TTYH2: variants seen among roughly 807,000 people sequenced by gnomAD.
TTYH2 encodes the protein protein tweety homolog 2.
Under a neutral mutation model 68.3 loss-of-function variants are expected in TTYH2, and 49 were observed. The ratio of observed to expected loss-of-function variants is 0.72; its 90% confidence interval spans 0.57 to 0.91. The LOEUF is 0.91. Ranked by LOEUF, TTYH2 falls within the 40% of genes least tolerant of loss-of-function variation. The pLI, the probability that TTYH2 is intolerant of heterozygous loss-of-function variation, is 0.00. For missense variants in TTYH2, 631 were observed against 700.4 expected (o/e 0.90, Z 1.12); for synonymous variants, 272 against 300.8 (o/e 0.90, Z 0.99).
Position 74,237,247 on chromosome 17 carries a change from A to C in TTYH2, c.415-47A>C, listed in dbSNP as rs1258829458. Reference sequence around the variant, plus strand: ...CTGCAAAGACCTCTTCCGGGATGAGAATCAGAAGCTCTACCTCCATGGCTT... The same window carrying C: ...CTGCAAAGACCTCTTCCGGGATGAGCATCAGAAGCTCTACCTCCATGGCTT... On this transcript the variant is annotated intron_variant, in intron 3 of 13. Coordinates refer to ENST00000269346, the MANE Select transcript of TTYH2 (RefSeq NM_032646.6). 3 of 1,589,672 alleles carry C rather than the reference A, an allele frequency of 1.9e-6. No individual in the cohort carries two copies. The Admixed American group carries it at 5.0e-5, about 27-fold the overall frequency.
rs758764721 is a variant in TTYH2 at position 74,253,228 on chromosome 17, G to A, written c.1407G>A (p.Pro469=). Residue 469 remains proline (P), a synonymous_variant, in exon 12 of 14, where the codon CCG becomes CCA. Transcript: ENST00000269346. ...GLGSQTSLQP[P]AQTISNAPVS... ...GAAGTCAGACCAGCCTGCAGCCCCCGGCCCAGACCATCTCCAACGCCCCTG... is the reference window on the plus strand; with the variant it reads ...GAAGTCAGACCAGCCTGCAGCCCCCAGCCCAGACCATCTCCAACGCCCCTG... 2.4e-5 allele frequency: 38 copies of A among 1,609,432 alleles called. No homozygotes were observed. Among genetic ancestry groups the A allele is most frequent in the Middle Eastern group, 1.7e-4 (1 of 6,052 alleles).
At chr17:74,223,561 A>G (rs2050300239) in intron 2 of TTYH2, among the ~76,000 whole-genome samples, 1 of 152,182 alleles carries the variant, frequency 6.6e-6, no homozygotes, top group Non-Finnish European at 1.5e-5. Context: ...ACTCCCGTGC[A>G]GGAGTCCATA....
intron 13 of TTYH2, among the ~76,000 whole-genome samples, chr17:74,257,184 C>T (rs1219215847): frequency 6.6e-6 from 1 of 152,236 alleles, no homozygotes; most frequent in Non-Finnish European, 1.5e-5. Context: ...ATCCAGGCCA[C>T]TCATCCTGCC....
chr17:74,222,673 C>T lies in TTYH2; in HGVS notation c.302+16C>T, dbSNP rs750985716. On this transcript the variant is annotated intron_variant, in intron 2 of 13. Coordinates refer to ENST00000269346, the MANE Select transcript of TTYH2 (RefSeq NM_032646.6). This position sits in a 1 kb window ranked among gnomAD's most constrained non-coding sequence, Gnocchi z 5.2. ...TCATCTGCTGGTGAGTGTCCCTGGACGCTGGGCTTGGGGTGTGTGACTCAG... is the reference window on the plus strand; with the variant it reads ...TCATCTGCTGGTGAGTGTCCCTGGATGCTGGGCTTGGGGTGTGTGACTCAG... 28 of 1,600,238 alleles carry T rather than the reference C, an allele frequency of 1.7e-5. No homozygotes were observed. Among genetic ancestry groups the T allele is most frequent in the African/African-American group, 8.0e-5 (6 of 74,934 alleles).
chr17:74,253,304 C>G (rs777493845), intron 12 of TTYH2, 38 bp downstream of exon 12: 25 of 1,530,476 alleles, frequency 1.6e-5, no homozygotes, highest in Non-Finnish European at 2.0e-5. Context: ...GGTAGCACTG[C>G]CCGGACAGCA....
rs1464594241 is a variant in TTYH2 at position 74,260,540 on chromosome 17, G to A, written c.*331G>A. On this transcript the variant is annotated 3_prime_UTR_variant, in exon 14 of 14. Coordinates refer to ENST00000269346, the MANE Select transcript of TTYH2 (RefSeq NM_032646.6). ...GGAGGGGAGTGGCAGTGAGGAGGGG[G>A]CCAGGTCAGGCACCACCATCAAGAG... 26 of 360,888 alleles carry A rather than the reference G, an allele frequency of 7.2e-5. No individual in the cohort carries two copies. The Admixed American group carries it at 9.2e-4, about 13-fold the overall frequency. 22.4% of individuals were successfully genotyped at this position (360,888 alleles called of 1,614,324 possible).
intron 3 of TTYH2, among the ~76,000 whole-genome samples, chr17:74,234,715 G>A (rs2050425124): frequency 6.6e-6 from 1 of 152,062 alleles, no homozygotes; most frequent in African/African-American, 2.4e-5. Flanking sequence ...AGAACTGTGA[G>A]GGAGAAAACA....
chr17:74,244,819 T>C (rs978233149), intron 6 of TTYH2, among the ~76,000 whole-genome samples: 2 of 152,058 alleles, frequency 1.3e-5, no homozygotes, highest in African/African-American at 4.8e-5. Context: ...CATAGGCAGA[T>C]CACTGCAACC....
At position 74,244,855 on chromosome 17, in the gene TTYH2, A is replaced by AGTGTGTGTGTGTGTGTGT. The variant is rs58119512; in HGVS notation, c.804+817_804+834dup. Among the ~76,000 whole-genome samples, 490 of 149,908 alleles carry AGTGTGTGTGTGTGTGTGT rather than the reference A, an allele frequency of 3.3e-3. 3 individuals carry two copies. The highest frequency in any genetic ancestry group is 0.011 in the East Asian group (56 of 5,046). ...CCAGGCTTTGATACAGTGGAGGTGC[A>AGTGTGTGTGTGTGTGTGT]GTGTGTGTGTGTGTGTGTGTGTGTG... On this transcript the variant is annotated intron_variant, in intron 6 of 13. Transcript: ENST00000269346.
chr17:74,234,646 T>TC, intron 3 of TTYH2, among the ~76,000 whole-genome samples: 1 of 151,766 alleles, frequency 6.6e-6, no homozygotes, highest in East Asian at 1.9e-4. Context: ...AATACTGCCT[T>TC]CTTTTTTTTT....
chr17:74,237,207 G>A (rs2050451948), intron 3 of TTYH2, 87 bp from the exon 4 acceptor site: 1 of 1,366,428 alleles, frequency 7.3e-7, no homozygotes, highest in South Asian at 1.3e-5. Flanking sequence ...ACCTGGCCAG[G>A]CCACCTTCTG....
At position 74,230,476 on chromosome 17, in the gene TTYH2, G is replaced by A. The variant is rs529159698; in HGVS notation, c.303-412G>A. The stretch of plus-strand genomic sequence containing the variant: ...ACCCTAGTGGAAGCTGTGGGCTCTG[G>A]GTGATGATGTGTGCATCTGGGCTCA... On this transcript the variant is annotated intron_variant, in intron 2 of 13. Coordinates refer to ENST00000269346, the MANE Select transcript of TTYH2 (RefSeq NM_032646.6). Among the ~76,000 whole-genome samples the A allele has an allele frequency of 6.6e-5, 10 of 152,178 alleles. No homozygotes were observed. In the East Asian group the frequency reaches 1.9e-3, roughly 29 times the overall value.
chr17:74,216,761 G>A (rs2050225406), intron 1 of TTYH2, among the ~76,000 whole-genome samples: 1 of 152,242 alleles, frequency 6.6e-6, no homozygotes, highest in Admixed American at 6.5e-5. Flanking sequence ...CCCAGCTCTG[G>A]GCTGCCAGAT....
rs191608577 is a variant in TTYH2 at position 74,253,258 on chromosome 17, C to T, written c.1437C>T (p.Ser479=). 101 of 1,599,802 alleles carry T rather than the reference C, an allele frequency of 6.3e-5. No individual in the cohort carries two copies. The highest frequency in any genetic ancestry group is 8.3e-5 in the Non-Finnish European group (97 of 1,174,186). The change falls in exon 12 of 14, where the codon TCC becomes TCT. Residue 479 remains serine, a synonymous_variant. Coordinates refer to ENST00000269346, the MANE Select transcript of TTYH2 (RefSeq NM_032646.6). The stretch of plus-strand genomic sequence containing the variant: ...AGACCATCTCCAACGCCCCTGTCTC[C>T]GAGTACATGTACGGCCTGCACACAC... ...PAQTISNAPV[S]EYMNQAMLFG...
chr17:74,237,362 T>C lies in TTYH2; in HGVS notation c.483T>C (p.Phe161=), dbSNP rs1383286286. The C allele has an allele frequency of 6.2e-7, 1 of 1,614,088 alleles. No individual in the cohort carries two copies. The highest frequency in any genetic ancestry group is 8.5e-7 in the Non-Finnish European group (1 of 1,180,048). The change falls in exon 4 of 14, where the codon TTT becomes TTC. Residue 161 remains phenylalanine, a synonymous_variant. Coordinates refer to ENST00000269346, the MANE Select transcript of TTYH2 (RefSeq NM_032646.6). ...EQHLARLSEI[F]AARGDYLQTL... is the part of the protein sequence containing the mutation. ...ACCTGGCCCGGCTCAGTGAGATCTT[T>C]GCTGCCCGGGGCGATTACCTGCAGA...
At position 74,215,170 on chromosome 17, in the gene TTYH2, CGTGTGTGT is replaced by C. The variant is rs5822029; in HGVS notation, c.129+1481_129+1488del. 2.3e-3 allele frequency among the ~76,000 whole-genome samples: 340 copies of C among 147,486 alleles called. 1 individual carries two copies. Among genetic ancestry groups the C allele is most frequent in the Non-Finnish European group, 2.2e-3 (147 of 66,614 alleles). ...AGGCGGATATGATTTCAGAAACAGC[CGTGTGTGT>C]GTGTGTGTGTGTGTGTGTGTGTGTG... On this transcript the variant is annotated intron_variant, in intron 1 of 13. Coordinates refer to ENST00000269346, the MANE Select transcript of TTYH2 (RefSeq NM_032646.6). This position sits in a 1 kb window ranked among gnomAD's most constrained non-coding sequence, Gnocchi z 4.3.
Position 74,260,130 on chromosome 17 carries a change from A to C in TTYH2, c.1526A>C (p.Tyr509Ser), listed in dbSNP as rs1250493023. Residue 509 changes from tyrosine (Y) to serine (S), a missense_variant and splice_region_variant, in exon 14 of 14, where the codon TAC becomes TCC. Tyr to Ser is a moderately radical substitution (Grantham distance 144). Coordinates refer to ENST00000269346, the MANE Select transcript of TTYH2 (RefSeq NM_032646.6). Reference sequence around the variant, plus strand: ...ATCCCCTCTCTTCTCTCTTGGCAGTACTCTCCCAGCATGAGAGCCACCTAC... The same window carrying C: ...ATCCCCTCTCTTCTCTCTTGGCAGTCCTCTCCCAGCATGAGAGCCACCTAC... ...LIGRASPPPT[Y>S]SPSMRATYLS... 6.2e-7 allele frequency: 1 copy of C among 1,612,426 alleles called. No homozygotes were observed. Among genetic ancestry groups the C allele is most frequent in the Admixed American group, 1.7e-5 (1 of 59,892 alleles).
chr17:74,236,773 A>G (rs2050446540), intron 3 of TTYH2, among the ~76,000 whole-genome samples: 1 of 152,146 alleles, frequency 6.6e-6, no homozygotes, highest in South Asian at 2.1e-4. Flanking sequence ...TTTGAGGGAC[A>G]TGAGGACTGG....
intron 5 of TTYH2, among the ~76,000 whole-genome samples, chr17:74,243,673 A>G (rs1262682198): frequency 6.6e-6 from 1 of 152,236 alleles, no homozygotes; most frequent in African/African-American, 2.4e-5. Flanking sequence ...AGCAAGCATT[A>G]GGCTTTCCTC....
Sources: gnomAD v4.1 joint callset for allele counts (sites outside exome capture counted in the v4.1 genomes callset) on GRCh38, gnomAD v4.1.1 for gene constraint, Gnocchi (gnomAD v3.1) non-coding constraint, MANE v1.5 for transcripts, NCBI Gene and HGNC (gene_info 2026-07-23, HGNC 2026-07-21) for gene names.